SGCZ: variants seen among roughly 807,000 people sequenced by gnomAD.
SGCZ encodes sarcoglycan zeta, also known as zeta-sarcoglycan.
In SGCZ, 40 loss-of-function variants were observed where a neutral mutation model predicts 41.3. The observed-to-expected ratio is 0.97, with a 90% CI of 0.75 to 1.26. The LOEUF is 1.26. Ranked by LOEUF, SGCZ falls within the 50% of genes most tolerant of loss-of-function variation. SGCZ has a pLI of 0.00. For synonymous variants in SGCZ, 206 were observed against 137.5 expected, an observed-to-expected ratio of 1.50 and a Z score of -3.49; for missense variants, 552 against 369.8, an observed-to-expected ratio of 1.49 and a Z score of -4.04.
At chr8:14,258,404 G>C (rs1185030704) in intron 3 of SGCZ, among the ~76,000 whole-genome samples, 1 of 152,046 alleles carries the variant, frequency 6.6e-6, no homozygotes, top group Non-Finnish European at 1.5e-5. Flanking sequence ...ACCTACTGGA[G>C]GATTCATGGA....
intron 2 of SGCZ, among the ~76,000 whole-genome samples, chr8:14,385,131 G>A (rs954748758): frequency 6.6e-6 from 1 of 152,114 alleles, no homozygotes. Context: ...GTATCGTTTG[G>A]TGATTTTCCT....
intron 1 of SGCZ, among the ~76,000 whole-genome samples, chr8:15,129,287 C>T (rs567360560): frequency 1.3e-5 from 2 of 152,090 alleles, no homozygotes; most frequent in African/African-American, 4.8e-5. Flanking sequence ...CACCCAGATA[C>T]CACTCCCTAC....
At chr8:14,628,069 G>A (rs1403941101) in intron 1 of SGCZ, among the ~76,000 whole-genome samples, 1 of 152,004 alleles carries the variant, frequency 6.6e-6, no homozygotes. Flanking sequence ...CATCTTGCTG[G>A]TTAGAATAGT....
intron 2 of SGCZ, among the ~76,000 whole-genome samples, chr8:14,545,278 T>C (rs577218036): frequency 6.6e-6 from 1 of 152,150 alleles, no homozygotes; most frequent in Non-Finnish European, 1.5e-5. Context: ...AGGACAGTGA[T>C]GCTATTATTA....
intron 2 of SGCZ, among the ~76,000 whole-genome samples, chr8:14,483,711 G>A (rs936971352): frequency 9.2e-5 from 14 of 151,994 alleles, no homozygotes; most frequent in African/African-American, 3.4e-4. Flanking sequence ...ACTACTAATG[G>A]GTACGTCTTG....
At chr8:14,903,100 TG>T (rs1799021777) in intron 1 of SGCZ, among the ~76,000 whole-genome samples, 1 of 152,150 alleles carries the variant, frequency 6.6e-6, no homozygotes, top group Non-Finnish European at 1.5e-5. Context: ...CAGAGGGTTC[TG>T]GTTTCCTTAC....
chr8:15,174,752 A>C (rs992069792), intron 1 of SGCZ, among the ~76,000 whole-genome samples: 1 of 152,188 alleles, frequency 6.6e-6, no homozygotes, highest in Admixed American at 6.5e-5. Context: ...ATAGTATGGA[A>C]CTGTATCTCA....
At chr8:14,900,647 C>T (rs1585362324) in intron 1 of SGCZ, among the ~76,000 whole-genome samples, 1 of 152,110 alleles carries the variant, frequency 6.6e-6, no homozygotes, top group East Asian at 1.9e-4. Flanking sequence ...AGACTGAATA[C>T]CAGGTTTAAT....
chr8:14,476,373 T>C (rs889441568), intron 2 of SGCZ, among the ~76,000 whole-genome samples: 5 of 152,072 alleles, frequency 3.3e-5, no homozygotes, highest in Admixed American at 6.6e-5. Context: ...TATGAGCTGA[T>C]TCCCATCATA....
chr8:14,635,524 A>G (rs981189415), intron 1 of SGCZ, among the ~76,000 whole-genome samples: 1 of 151,948 alleles, frequency 6.6e-6, no homozygotes, highest in Non-Finnish European at 1.5e-5. Flanking sequence ...GGAGAAATAC[A>G]CTCTGAAAAT....
intron 1 of SGCZ, among the ~76,000 whole-genome samples, chr8:15,088,870 T>G (rs2131058901): frequency 6.6e-6 from 1 of 152,202 alleles, no homozygotes; most frequent in Admixed American, 6.5e-5. Flanking sequence ...CAAATAATGG[T>G]TTGTTTTAGC....
intron 4 of SGCZ, among the ~76,000 whole-genome samples, chr8:14,196,245 TACTA>T (rs1805262926): frequency 6.7e-6 from 1 of 148,506 alleles, no homozygotes; most frequent in Non-Finnish European, 1.5e-5. Flanking sequence ...TAAAATAAAA[TACTA>T]AATTAATTAG....
chr8:14,289,590 T>C (rs1426560632), intron 3 of SGCZ, among the ~76,000 whole-genome samples: 1 of 152,148 alleles, frequency 6.6e-6, no homozygotes, highest in Non-Finnish European at 1.5e-5. Context: ...TCTATGTGTC[T>C]ATTTTTATGC....
intron 1 of SGCZ, among the ~76,000 whole-genome samples, chr8:14,898,615 A>T (rs1354704788): frequency 6.6e-6 from 1 of 152,208 alleles, no homozygotes; most frequent in Non-Finnish European, 1.5e-5. Context: ...AGAAGTGAAA[A>T]GATTTGAGAA....
chr8:14,885,285 C>A (rs1223037146), intron 1 of SGCZ, among the ~76,000 whole-genome samples: 1 of 152,116 alleles, frequency 6.6e-6, no homozygotes, highest in African/African-American at 2.4e-5. Context: ...GTGGATGATT[C>A]ATAGTGGGTG....
chr8:14,808,315 T>G (rs1465579734), intron 1 of SGCZ, among the ~76,000 whole-genome samples: 1 of 151,230 alleles, frequency 6.6e-6, no homozygotes. Flanking sequence ...TGGGAGAAAA[T>G]TTTCGCAACC....
chr8:15,166,376 T>C (rs1472072257), intron 1 of SGCZ, among the ~76,000 whole-genome samples: 1 of 151,896 alleles, frequency 6.6e-6, no homozygotes, highest in Non-Finnish European at 1.5e-5. Context: ...GCCTCCTGGG[T>C]AGCTGGGACT....
intron 1 of SGCZ, among the ~76,000 whole-genome samples, chr8:14,660,436 G>C (rs1055569317): frequency 6.6e-6 from 1 of 151,848 alleles, no homozygotes; most frequent in African/African-American, 2.4e-5. Context: ...GCCAGGCGTG[G>C]TGGTGGGCAC....
intron 1 of SGCZ, among the ~76,000 whole-genome samples, chr8:14,745,558 G>C (rs983144187): frequency 5.9e-5 from 9 of 152,084 alleles, no homozygotes; most frequent in African/African-American, 2.2e-4. Flanking sequence ...CCAGGTGACA[G>C]AGTGAGACCC....
Sources: allele counts gnomAD v4.1 joint callset (sites outside exome capture counted in the v4.1 genomes callset), GRCh38; gene constraint gnomAD v4.1.1; transcripts MANE v1.5; gene names NCBI Gene and HGNC (gene_info 2026-07-23, HGNC 2026-07-21).